ARHGAP15: variants seen among roughly 807,000 people sequenced by gnomAD.
ARHGAP15 encodes the protein rho GTPase-activating protein 15.
ARHGAP15 carries 51 observed loss-of-function variants against 63.7 expected under a neutral mutation model. The ratio of observed to expected loss-of-function variants is 0.80; its 90% confidence interval spans 0.64 to 1.01. ARHGAP15 has a LOEUF of 1.01. Among genes scored for constraint, ARHGAP15 ranks in the 50% least tolerant of loss-of-function variants. The probability of loss-of-function intolerance (pLI) is 0.00; values close to 1 mark genes in which losing one functional copy is unlikely to be tolerated. For missense variants in ARHGAP15, 560 were observed against 564.6 expected, an observed-to-expected ratio of 0.99 and a Z score of 0.08; for synonymous variants, 191 against 193.8, an observed-to-expected ratio of 0.99 and a Z score of 0.12.
chr2:143,385,399 C>A (rs184811435), intron 6 of ARHGAP15, among the ~76,000 whole-genome samples: 21 of 152,150 alleles, frequency 1.4e-4, no homozygotes, highest in East Asian at 1.9e-4. Flanking sequence ...AGTTAAAATT[C>A]TCTTTATTTC....
At chr2:143,235,950 T>C in intron 5 of ARHGAP15, 2 of 1,546,598 alleles carry the variant, frequency 1.3e-6, no homozygotes. Flanking sequence ...TTTTAGAGCT[T>C]CTGCTTGATG....
intron 11 of ARHGAP15, among the ~76,000 whole-genome samples, chr2:143,621,538 A>G (rs1698647048): frequency 6.6e-6 from 1 of 152,194 alleles, no homozygotes; most frequent in South Asian, 2.1e-4. Context: ...AACTTGATAT[A>G]AAAATTAGTA....
intron 11 of ARHGAP15, among the ~76,000 whole-genome samples, chr2:143,603,684 TCTTC>T (rs1469177105): frequency 6.6e-6 from 1 of 152,186 alleles, no homozygotes; most frequent in Non-Finnish European, 1.5e-5. Flanking sequence ...GTTGAAGTAG[TCTTC>T]TTACAGATTT....
At chr2:143,716,841 T>C (rs1684833248) in intron 13 of ARHGAP15, among the ~76,000 whole-genome samples, 1 of 152,244 alleles carries the variant, frequency 6.6e-6, no homozygotes, top group Non-Finnish European at 1.5e-5. Context: ...TCCTTTTTTC[T>C]AATTGAACAC....
At chr2:143,469,810 T>A (rs969492569) in intron 8 of ARHGAP15, among the ~76,000 whole-genome samples, 1 of 152,242 alleles carries the variant, frequency 6.6e-6, no homozygotes, top group African/African-American at 2.4e-5. Flanking sequence ...CTATTTCTTT[T>A]TAATGTGGCT....
intron 1 of ARHGAP15, among the ~76,000 whole-genome samples, chr2:143,130,920 A>C (rs1366728518): frequency 1.3e-5 from 2 of 152,144 alleles, no homozygotes; most frequent in East Asian, 1.9e-4. Flanking sequence ...ATTTTGGTTG[A>C]TATGTTATTA....
intron 12 of ARHGAP15, among the ~76,000 whole-genome samples, chr2:143,684,295 G>A (rs1027806751): frequency 6.6e-6 from 1 of 152,150 alleles, no homozygotes; most frequent in African/African-American, 2.4e-5. Context: ...TGTGGATCCA[G>A]GAGAAATCAA....
At chr2:143,161,049 C>A (rs1290360283) in intron 2 of ARHGAP15, among the ~76,000 whole-genome samples, 2 of 151,984 alleles carry the variant, frequency 1.3e-5, no homozygotes, top group Non-Finnish European at 2.9e-5. Context: ...TAATTTGAAT[C>A]CAAAACTCTA....
intron 6 of ARHGAP15, among the ~76,000 whole-genome samples, chr2:143,313,613 C>T (rs542729280): frequency 2.0e-5 from 3 of 152,106 alleles, no homozygotes; most frequent in Non-Finnish European, 4.4e-5. Context: ...AAGCAAAAAT[C>T]AGAAACGTAA....
intron 12 of ARHGAP15, among the ~76,000 whole-genome samples, chr2:143,656,934 G>GGGGTGTGTGTGTGTGTGTGT (rs1484394918): frequency 2.6e-4 from 38 of 145,030 alleles, no homozygotes; most frequent in Middle Eastern, 3.5e-3. Context: ...CAAAGTTTCT[G>GGGGTGTGTGTGTGTGTGTGT]GTGTGTGTGT....
rs528432695 is a variant in ARHGAP15 at position 143,433,966 on chromosome 2, A to G, written c.475-1635A>G. 1.1e-3 allele frequency among the ~76,000 whole-genome samples: 164 copies of G among 152,132 alleles called. No individual in the cohort carries two copies. The Middle Eastern group carries it at 0.017, about 16-fold the overall frequency. ...AATGACCTTATATTTTTAGATTACT[A>G]TTTCTTAGGCAACACTCTATAAAGT... is the stretch of plus-strand genomic sequence containing the variant. On this transcript the variant is annotated intron_variant, in intron 6 of 13. Coordinates refer to ENST00000295095, the MANE Select transcript of ARHGAP15 (RefSeq NM_018460.4).
intron 8 of ARHGAP15, among the ~76,000 whole-genome samples, chr2:143,449,549 C>T (rs1217013738): frequency 6.6e-6 from 1 of 152,032 alleles, no homozygotes; most frequent in Non-Finnish European, 1.5e-5. Flanking sequence ...GGATGAGCAG[C>T]AACGTAGCTG....
At chr2:143,476,753 A>G (rs1456609407) in intron 8 of ARHGAP15, among the ~76,000 whole-genome samples, 1 of 152,250 alleles carries the variant, frequency 6.6e-6, no homozygotes, top group African/African-American at 2.4e-5. Flanking sequence ...TATTTTGCAA[A>G]CACATAGCAA....
At chr2:143,464,453 A>G (rs1184197160) in intron 8 of ARHGAP15, among the ~76,000 whole-genome samples, 1 of 152,202 alleles carries the variant, frequency 6.6e-6, no homozygotes. Flanking sequence ...TATCCTAAAA[A>G]GAATTCTTAT....
intron 11 of ARHGAP15, among the ~76,000 whole-genome samples, chr2:143,585,245 A>G (rs1171011924): frequency 6.6e-6 from 1 of 152,182 alleles, no homozygotes; most frequent in Non-Finnish European, 1.5e-5. Flanking sequence ...ATGCAACTAT[A>G]TTGCTGTTTG....
chr2:143,137,449 G>T (rs1015565158), intron 1 of ARHGAP15, among the ~76,000 whole-genome samples: 3 of 152,026 alleles, frequency 2.0e-5, no homozygotes, highest in African/African-American at 7.2e-5. Context: ...GAGAAGAGAA[G>T]CTAGAAATAT....
At chr2:143,625,295 G>A (rs1046745841) in intron 12 of ARHGAP15, among the ~76,000 whole-genome samples, 1 of 152,040 alleles carries the variant, frequency 6.6e-6, no homozygotes, top group Non-Finnish European at 1.5e-5. Context: ...GGAGATTTGG[G>A]GGTCCTGTGT....
At chr2:143,402,675 T>G (rs1181033934) in intron 6 of ARHGAP15, among the ~76,000 whole-genome samples, 1 of 151,786 alleles carries the variant, frequency 6.6e-6, no homozygotes, top group African/African-American at 2.4e-5. Flanking sequence ...GAGACCACAA[T>G]TCACAGGATG....
chr2:143,344,013 C>A (rs2105293566), intron 6 of ARHGAP15: 1 of 152,190 alleles, frequency 6.6e-6, no homozygotes, highest in Admixed American at 6.6e-5. Context: ...TAAATATCAG[C>A]ACTCCCCACC....
Sources: allele counts gnomAD v4.1 joint callset (sites outside exome capture counted in the v4.1 genomes callset), GRCh38; gene constraint gnomAD v4.1.1; transcripts MANE v1.5; gene names NCBI Gene and HGNC (gene_info 2026-07-23, HGNC 2026-07-21).